Variants in YAP1 observed in about 807,000 individuals in gnomAD.
YAP1 encodes transcriptional coactivator YAP1.
In YAP1, 5 loss-of-function variants were observed where a neutral mutation model predicts 56.9. That is an observed-to-expected ratio of 0.09 (90% CI 0.05 to 0.18). YAP1 has a LOEUF of 0.18. Ranked by LOEUF, YAP1 falls within the 10% of genes least tolerant of loss-of-function variation. The probability of loss-of-function intolerance (pLI) is 1.00; values close to 1 mark genes in which losing one functional copy is unlikely to be tolerated. For missense variants in YAP1, 539 were observed against 651.8 expected (o/e 0.83, Z 1.88); for synonymous variants, 265 against 248.1 (o/e 1.07, Z -0.64).
chr11:102,195,547 G>C (rs1012791756), intron 4 of YAP1, among the ~76,000 whole-genome samples: 4 of 152,124 alleles, frequency 2.6e-5, no homozygotes, highest in Non-Finnish European at 4.4e-5. Flanking sequence ...GGAGGGACCA[G>C]GTGGGAATAA....
rs117972744 is a variant in YAP1 at position 102,157,991 on chromosome 11, G to A, written c.573-4465G>A. On this transcript the variant is annotated intron_variant, in intron 2 of 8. Coordinates refer to ENST00000282441, the MANE Select transcript of YAP1 (RefSeq NM_001130145.3). ...TAAAAAGCTTCTATTTATAACGTTT[G>A]TAGATTATATTAAATTCCTAACGCC... is the stretch of plus-strand genomic sequence containing the variant. Among the ~76,000 whole-genome samples, 1,011 of 152,252 alleles carry A rather than the reference G, an allele frequency of 6.6e-3. 3 individuals are homozygous for A. The highest frequency in any genetic ancestry group is 0.021 in the South Asian group (100 of 4,824).
intron 2 of YAP1, among the ~76,000 whole-genome samples, chr11:102,151,200 G>A (rs753398603): frequency 6.6e-6 from 1 of 151,912 alleles, no homozygotes; most frequent in Non-Finnish European, 1.5e-5. Flanking sequence ...TTCCTTCCTG[G>A]GTACATTTGG....
chr11:102,191,618 G>A (rs1002050711), intron 4 of YAP1, among the ~76,000 whole-genome samples: 5 of 152,168 alleles, frequency 3.3e-5, no homozygotes, highest in African/African-American at 1.2e-4. Context: ...CTTGTATTGT[G>A]ACTCATCTTG....
At chr11:102,184,159 A>G (rs898416707) in intron 3 of YAP1, among the ~76,000 whole-genome samples, 10 of 151,822 alleles carry the variant, frequency 6.6e-5, no homozygotes, top group African/African-American at 9.7e-5. Context: ...AGTGATTGCT[A>G]TTGACTTGTT....
At chr11:102,212,694 G>T (rs375085004) in intron 6 of YAP1, among the ~76,000 whole-genome samples, 1 of 152,112 alleles carries the variant, frequency 6.6e-6, no homozygotes, top group East Asian at 1.9e-4. Context: ...AAATGATTCT[G>T]CCTCAGCCTC....
intron 7 of YAP1, among the ~76,000 whole-genome samples, chr11:102,225,844 G>T (rs1450710804): frequency 1.3e-5 from 2 of 152,194 alleles, no homozygotes; most frequent in Non-Finnish European, 2.9e-5. Context: ...GGTGGTGATT[G>T]TTAACCTCTT....
At chr11:102,121,153 C>T (rs745713504) in intron 2 of YAP1, among the ~76,000 whole-genome samples, 1 of 152,246 alleles carries the variant, frequency 6.6e-6, no homozygotes, top group East Asian at 1.9e-4. Flanking sequence ...AGAAATAATT[C>T]ATGGCCAGCC....
At chr11:102,226,221 C>G (rs1435581081) in intron 7 of YAP1, among the ~76,000 whole-genome samples, 4 of 152,174 alleles carry the variant, frequency 2.6e-5, no homozygotes, top group Non-Finnish European at 5.9e-5. Flanking sequence ...TACCAATGGT[C>G]TCAGAGGCAA....
chr11:102,114,050 A>G, intron 1 of YAP1, 94 bp from the exon 2 acceptor site: 3 of 1,360,618 alleles, frequency 2.2e-6, no homozygotes, highest in Non-Finnish European at 9.8e-7. Context: ...TGGTACTTAG[A>G]TATTCGGCTG....
chr11:102,151,431 G>T (rs142401503), intron 2 of YAP1, among the ~76,000 whole-genome samples: 4 of 152,304 alleles, frequency 2.6e-5, no homozygotes, highest in Non-Finnish European at 5.9e-5. Flanking sequence ...TTCAGAGGCT[G>T]TCACCTTTAT....
intron 4 of YAP1, among the ~76,000 whole-genome samples, chr11:102,186,847 T>TG (rs1555013227): frequency 6.6e-6 from 1 of 151,344 alleles, no homozygotes; most frequent in African/African-American, 2.4e-5. Flanking sequence ...TGTGTGTGTG[T>TG]TTTAAACTGT....
chr11:102,175,409 CTTAT>C (rs143057733), intron 3 of YAP1, among the ~76,000 whole-genome samples: 1,801 of 152,162 alleles, frequency 0.012, 33 homozygotes, highest in African/African-American at 0.042. Context: ...CAAAAAAAAA[CTTAT>C]TTCTTTTACC....
intron 2 of YAP1, among the ~76,000 whole-genome samples, chr11:102,117,387 T>G (rs1334917681): frequency 1.3e-5 from 2 of 152,254 alleles, no homozygotes; most frequent in Non-Finnish European, 2.9e-5. Context: ...AACTGACTTT[T>G]AAGTTACAAA....
At chr11:102,172,580 A>G (rs1423245108) in intron 3 of YAP1, among the ~76,000 whole-genome samples, 2 of 150,576 alleles carry the variant, frequency 1.3e-5, no homozygotes, top group Non-Finnish European at 2.9e-5. Context: ...TGTGTGAGCC[A>G]CCACACTCTG....
intron 1 of YAP1, chr11:102,112,451 A>G (rs2135100875): frequency 3.2e-6 from 3 of 950,916 alleles, no homozygotes; most frequent in South Asian, 5.0e-5. Context: ...TTTTTTGAGA[A>G]CTTGCTTCAG....
At chr11:102,154,525 C>A (rs1945835221) in intron 2 of YAP1, among the ~76,000 whole-genome samples, 1 of 151,734 alleles carries the variant, frequency 6.6e-6, no homozygotes, top group African/African-American at 2.4e-5. Flanking sequence ...CAGAGAAAAA[C>A]ACAGCATGTT....
At chr11:102,166,373 C>G (rs1313040822) in intron 3 of YAP1, among the ~76,000 whole-genome samples, 1 of 152,176 alleles carries the variant, frequency 6.6e-6, no homozygotes, top group East Asian at 1.9e-4. Flanking sequence ...ATGAATGTCA[C>G]TGTAATCTTG....
rs570825096 is a variant in YAP1, at chr11:102,216,828, C to T, written c.1033-6794C>T. On this transcript the variant is annotated intron_variant, in intron 6 of 8. Coordinates refer to ENST00000282441, the MANE Select transcript of YAP1 (RefSeq NM_001130145.3). ...CTTTCAAAACTGGGGAAATAAGTTACAGGAAATTTAGCCAAAACATAATCA... is the reference window on the plus strand; with the variant it reads ...CTTTCAAAACTGGGGAAATAAGTTATAGGAAATTTAGCCAAAACATAATCA... Among the ~76,000 whole-genome samples, 8 of 152,314 alleles carry T rather than the reference C, an allele frequency of 5.3e-5. No individual in the cohort carries two copies. The East Asian group carries it at 1.5e-3, about 29-fold the overall frequency.
chr11:102,152,036 C>A (rs1255281849), intron 2 of YAP1, among the ~76,000 whole-genome samples: 1 of 152,176 alleles, frequency 6.6e-6, no homozygotes, highest in African/African-American at 2.4e-5. Flanking sequence ...GTGTAACTGC[C>A]AGATATTTTC....
Sources: allele counts gnomAD v4.1 joint callset (sites outside exome capture counted in the v4.1 genomes callset), GRCh38; gene constraint gnomAD v4.1.1; transcripts MANE v1.5; gene names NCBI Gene and HGNC (gene_info 2026-07-23, HGNC 2026-07-21).